Variants in RPN2 observed in about 807,000 individuals in gnomAD.
The protein encoded by RPN2 is ribophorin II.
A neutral mutation model predicts 71.4 loss-of-function variants in RPN2; 29 were observed. The observed-to-expected ratio is 0.41, with a 90% CI of 0.30 to 0.55. The LOEUF (loss-of-function observed/expected upper bound fraction) is 0.55. Ranked by LOEUF, RPN2 falls within the 20% of genes least tolerant of loss-of-function variation. The pLI is 0.35. For missense variants in RPN2, 726 were observed against 774.1 expected (o/e 0.94, Z 0.74); for synonymous variants, 308 against 305.0 (o/e 1.01, Z -0.10).
intron 2 of RPN2, among the ~76,000 whole-genome samples, chr20:37,189,193 C>T (rs768083514): frequency 1.3e-5 from 2 of 152,122 alleles, no homozygotes; most frequent in Non-Finnish European, 2.9e-5. Flanking sequence ...CCTTGGCCTC[C>T]CAAAGTGCTG....
chr20:37,241,132 T>G (rs2068538460), intron 16 of RPN2, among the ~76,000 whole-genome samples, 171 bp from the exon 17 acceptor site: 1 of 152,236 alleles, frequency 6.6e-6, no homozygotes, highest in Admixed American at 6.5e-5. Context: ...CATTCTTTTG[T>G]AAAATGAGAT....
chr20:37,236,462 A>G, intron 15 of RPN2, 118 bp from the exon 16 acceptor site: 1 of 1,077,040 alleles, frequency 9.3e-7, no homozygotes. Flanking sequence ...GAATAAAACA[A>G]GCTGGTATAG....
Position 37,179,331 on chromosome 20 carries a change from G to T in RPN2, c.-26G>T, listed in dbSNP as rs2066770002. On this transcript the variant is annotated 5_prime_UTR_variant, in exon 1 of 17. Transcript: ENST00000237530. Reference sequence around the variant, plus strand: ...CGAGCGGAAGTCAGCCCGCGGCTCGGACTCCGGCGGGACCTGCTCGGAGGA... The same window carrying T: ...CGAGCGGAAGTCAGCCCGCGGCTCGTACTCCGGCGGGACCTGCTCGGAGGA... 2 of 1,535,510 alleles carry T rather than the reference G, an allele frequency of 1.3e-6. No individual in the cohort carries two copies. The highest frequency in any genetic ancestry group is 1.8e-4 in the Middle Eastern group (1 of 5,606).
At position 37,223,872 on chromosome 20, in the gene RPN2, C is replaced by T. The variant is rs1259526242; in HGVS notation, c.1093-6C>T. The T allele has an allele frequency of 7.4e-6, 12 of 1,613,064 alleles. No homozygotes were observed. The highest frequency in any genetic ancestry group is 1.3e-5 in the African/African-American group (1 of 74,860). On this transcript the variant is annotated splice_region_variant and splice_polypyrimidine_tract_variant and intron_variant, in intron 9 of 16. Transcript: ENST00000237530. The stretch of plus-strand genomic sequence containing the variant: ...CCTGGCAACTGTCTTCTCTATTTTC[C>T]TCTAGCTCAGAGTCAAGATCTCCAC...
Position 37,241,431 on chromosome 20 carries a change from T to A in RPN2, c.*116T>A, listed in dbSNP as rs554859248. On this transcript the variant is annotated 3_prime_UTR_variant, in exon 17 of 17. Transcript: ENST00000237530. ...AAACTTTATTTAAAAAAGAAAAAAG[T>A]CCAGATTGTAGTTATACTTTTGCTT... The A allele has an allele frequency of 7.1e-6, 9 of 1,264,002 alleles. No homozygotes were observed. The highest frequency in any genetic ancestry group is 1.0e-5 in the Non-Finnish European group (9 of 898,706). The allele number at this position is 1,264,002 out of a possible 1,614,324, so 78.3% of individuals were successfully genotyped here.
chr20:37,208,413 GT>G (rs1164893459), intron 7 of RPN2, among the ~76,000 whole-genome samples: 1 of 151,974 alleles, frequency 6.6e-6, no homozygotes, highest in Non-Finnish European at 1.5e-5. Flanking sequence ...TTTTGGTTTT[GT>G]TTTGGTTTTT....
chr20:37,196,098 C>T (rs1443761939), intron 2 of RPN2, among the ~76,000 whole-genome samples: 8 of 151,980 alleles, frequency 5.3e-5, no homozygotes, highest in East Asian at 1.9e-4. Context: ...CTCACTCTGT[C>T]GTCCAGGCTG....
Position 37,228,679 on chromosome 20 carries a change from G to T in RPN2, c.1429G>T (p.Gly477Cys). 1.2e-6 allele frequency: 2 copies of T among 1,614,204 alleles called. No individual in the cohort carries two copies. Among genetic ancestry groups the T allele is most frequent in the Non-Finnish European group, 1.7e-6 (2 of 1,180,028 alleles). ...ERKIEFDSAS[G>C]TYTLYLIIGD... ...AAAGATTGAATTTGACTCTGCCTCT[G>T]GCACCTACACTCTCTACTTAATCAT... Residue 477 changes from glycine to cysteine, a missense_variant, in exon 12 of 17, where the codon GGC (glycine) becomes TGC (cysteine). Coordinates refer to ENST00000237530, the MANE Select transcript of RPN2 (RefSeq NM_002951.5).
intron 1 of RPN2, among the ~76,000 whole-genome samples, chr20:37,180,492 C>G (rs902389931): frequency 6.6e-5 from 10 of 152,042 alleles, no homozygotes; most frequent in African/African-American, 2.4e-4. Flanking sequence ...TTACTGCTCT[C>G]GTTAACATGG....
At chr20:37,233,076 A>G (rs542949058) in intron 14 of RPN2, among the ~76,000 whole-genome samples, 1 of 152,180 alleles carries the variant, frequency 6.6e-6, no homozygotes, top group African/African-American at 2.4e-5. Context: ...TTAGAAAAAA[A>G]AAAATTAATG....
In RPN2 at chr20:37,223,984, A is replaced by G. The variant is rs1279275841; in HGVS notation, c.1184+15A>G. On this transcript the variant is annotated intron_variant, in intron 10 of 16. Transcript: ENST00000237530. Reference sequence around the variant, plus strand: ...AAAACTACCCGGTAGGTGAGATGCCACCTGATCACTCAGGGAGCTGAGGCT... The same window carrying G: ...AAAACTACCCGGTAGGTGAGATGCCGCCTGATCACTCAGGGAGCTGAGGCT... The G allele has an allele frequency of 6.2e-7, 1 of 1,608,252 alleles. No individual in the cohort carries two copies. The highest frequency in any genetic ancestry group is 8.5e-7 in the Non-Finnish European group (1 of 1,174,706).
Position 37,184,184 on chromosome 20 carries a change from A to G in RPN2, c.18A>G (p.Ser6=), listed in dbSNP as rs760195435. ...GAATGGTTGTTTCCCCCCAAGGTTC[A>G]AGCACTGTCTTCCTGTTGGCCCTGA... The part of the protein sequence containing the change: MAPPG[S]STVFLLALTI... Residue 6 remains serine, a synonymous_variant, in exon 2 of 17, where the codon TCA becomes TCG. Coordinates refer to ENST00000237530, the MANE Select transcript of RPN2 (RefSeq NM_002951.5). 8.7e-6 allele frequency: 14 copies of G among 1,614,018 alleles called. No individual in the cohort carries two copies. In the Admixed American group the frequency reaches 2.0e-4, roughly 23 times the overall value.
At chr20:37,192,753 T>C (rs2067171078) in intron 2 of RPN2, among the ~76,000 whole-genome samples, 1 of 152,198 alleles carries the variant, frequency 6.6e-6, no homozygotes, top group Non-Finnish European at 1.5e-5. Flanking sequence ...TGTGCTGTTA[T>C]AAATAGGGGA....
intron 7 of RPN2, among the ~76,000 whole-genome samples, chr20:37,209,804 C>G (rs1484224662): frequency 1.3e-5 from 2 of 152,004 alleles, no homozygotes; most frequent in Admixed American, 6.6e-5. Context: ...TTTAAAGATT[C>G]TGTAGTAGAG....
intron 15 of RPN2, 32 bp downstream of exon 15, chr20:37,234,127 C>G (rs764179328): frequency 6.2e-7 from 1 of 1,607,824 alleles, no homozygotes; most frequent in Non-Finnish European, 8.5e-7. Flanking sequence ...TTACCTGTAA[C>G]GTCCTCTGAC....
At chr20:37,212,594 C>T (rs1452107953) in intron 8 of RPN2, among the ~76,000 whole-genome samples, 3 of 151,890 alleles carry the variant, frequency 2.0e-5, no homozygotes, top group South Asian at 2.1e-4. Context: ...AATTCTGCCT[C>T]AGCTTCCTAA....
chr20:37,230,868 T>C (rs2068225003), intron 13 of RPN2, among the ~76,000 whole-genome samples: 2 of 151,984 alleles, frequency 1.3e-5, no homozygotes, highest in Non-Finnish European at 2.9e-5. Flanking sequence ...TGAAGGGTGC[T>C]GGCTGAAGTA....
chr20:37,206,270 T>C (rs2067507714), intron 6 of RPN2, among the ~76,000 whole-genome samples: 1 of 152,224 alleles, frequency 6.6e-6, no homozygotes, highest in Non-Finnish European at 1.5e-5. Flanking sequence ...AGAGTTATTT[T>C]AGTTTCTTTT....
chr20:37,190,365 A>G (rs1050463839), intron 2 of RPN2, among the ~76,000 whole-genome samples: 2 of 152,210 alleles, frequency 1.3e-5, no homozygotes, highest in Non-Finnish European at 1.5e-5. Flanking sequence ...CTGTGGCTTT[A>G]TGTTTACAAT....
Sources: allele counts gnomAD v4.1 joint callset (sites outside exome capture counted in the v4.1 genomes callset), GRCh38; gene constraint gnomAD v4.1.1; transcripts MANE v1.5; gene names NCBI Gene and HGNC (gene_info 2026-07-23, HGNC 2026-07-21).